CASQ2: variants seen among roughly 807,000 people sequenced by gnomAD.
CASQ2 encodes the protein calsequestrin-2.
In CASQ2, 49 loss-of-function variants were observed where a neutral mutation model predicts 46.5. The observed-to-expected ratio is 1.05, with a 90% CI of 0.84 to 1.34. CASQ2 has a LOEUF of 1.34. Among genes scored for constraint, CASQ2 ranks in the 40% most tolerant of loss-of-function variants. CASQ2 has a pLI of 0.00. For missense variants in CASQ2, 486 were observed against 481.3 expected, an observed-to-expected ratio of 1.01 and a Z score of -0.09; for synonymous variants, 174 against 168.5, an observed-to-expected ratio of 1.03 and a Z score of -0.25.
Position 115,705,298 on chromosome 1 carries a change from A to G in CASQ2, c.839-6T>C. The G allele has an allele frequency of 6.2e-7, 1 of 1,601,622 alleles. No individual in the cohort carries two copies. The highest frequency in any genetic ancestry group is 8.6e-7 in the Non-Finnish European group (1 of 1,168,676). ...CTCCAGGAATTCGTAGCCATCTGAA[A>G]CAGGATTCAAGAGAGTTGAGTAACC... On this transcript the variant is annotated splice_region_variant and splice_polypyrimidine_tract_variant and intron_variant, in intron 8 of 10. Transcript: ENST00000261448.
chr1:115,717,655 TTCTTC>T (rs1394872537), intron 8 of CASQ2, among the ~76,000 whole-genome samples, 180 bp downstream of exon 8: 1 of 152,232 alleles, frequency 6.6e-6, no homozygotes, highest in East Asian at 1.9e-4. Context: ...TTCACACCTT[TTCTTC>T]TCTTAGCCGT....
At chr1:115,765,174 A>G (rs959061469) in intron 1 of CASQ2, among the ~76,000 whole-genome samples, 3 of 152,054 alleles carry the variant, frequency 2.0e-5, no homozygotes, top group Admixed American at 1.3e-4. Flanking sequence ...CTTAGTTTGC[A>G]TGTTTTCTTC....
At chr1:115,742,321 G>A (rs886585983) in intron 2 of CASQ2, among the ~76,000 whole-genome samples, 1 of 152,110 alleles carries the variant, frequency 6.6e-6, no homozygotes, top group Non-Finnish European at 1.5e-5. Context: ...CTCAAAAGGT[G>A]CCCTAGGGAA....
chr1:115,758,439 G>A (rs924946206), intron 1 of CASQ2, among the ~76,000 whole-genome samples: 1 of 152,174 alleles, frequency 6.6e-6, no homozygotes, highest in Non-Finnish European at 1.5e-5. Flanking sequence ...TAGGTGCTGG[G>A]GTATAGCAAT....
intron 9 of CASQ2, among the ~76,000 whole-genome samples, chr1:115,703,929 A>G (rs1409932162): frequency 1.3e-5 from 2 of 151,998 alleles, no homozygotes; most frequent in African/African-American, 4.8e-5. Context: ...AAAAACAAAA[A>G]AAAACTGGCC....
At chr1:115,732,441 TGCTTCA>T (rs1647821749) in intron 5 of CASQ2, among the ~76,000 whole-genome samples, 18 of 152,204 alleles carry the variant, frequency 1.2e-4, no homozygotes, top group Admixed American at 1.1e-3. Context: ...GTCCCTTCCC[TGCTTCA>T]GCTCACTGAC....
rs531037124 is a variant in CASQ2, at chr1:115,750,778, A to T, written c.235-5866T>A. 2.7e-5 allele frequency among the ~76,000 whole-genome samples: 4 copies of T among 150,352 alleles called. No homozygotes were observed. In the South Asian group the frequency reaches 8.5e-4, roughly 32 times the overall value. On this transcript the variant is annotated intron_variant, in intron 1 of 10. Coordinates refer to ENST00000261448, the MANE Select transcript of CASQ2 (RefSeq NM_001232.4). ...CACTTTGGCCTCCCAAAATGTTGGGATTACAGCCATGAGCCACCGCGCCCA... is the reference window on the plus strand; with the variant it reads ...CACTTTGGCCTCCCAAAATGTTGGGTTTACAGCCATGAGCCACCGCGCCCA...
intron 8 of CASQ2, among the ~76,000 whole-genome samples, chr1:115,710,789 AG>A (rs1344355617): frequency 6.6e-6 from 1 of 152,190 alleles, no homozygotes; most frequent in African/African-American, 2.4e-5. Context: ...CCTGCCACTC[AG>A]GCTTGGAGTC....
intron 1 of CASQ2, among the ~76,000 whole-genome samples, chr1:115,747,167 G>T (rs1648418300): frequency 6.6e-6 from 1 of 152,078 alleles, no homozygotes; most frequent in Admixed American, 6.5e-5. Flanking sequence ...GATAGGTTGA[G>T]GTTCCTTTTT....
intron 8 of CASQ2, among the ~76,000 whole-genome samples, chr1:115,713,978 G>A (rs146612051): frequency 6.6e-6 from 1 of 152,328 alleles, no homozygotes; most frequent in Non-Finnish European, 1.5e-5. Context: ...AAGGGCAATA[G>A]AGAGGCAGGA....
intron 7 of CASQ2, among the ~76,000 whole-genome samples, chr1:115,719,332 C>T (rs1647290656): frequency 6.6e-6 from 1 of 152,144 alleles, no homozygotes; most frequent in Non-Finnish European, 1.5e-5. Context: ...GCTATTATCG[C>T]CAGACAGAAT....
At chr1:115,740,598 T>C (rs1453619561) in intron 3 of CASQ2, 130 bp downstream of exon 3, 8 of 692,292 alleles carry the variant, frequency 1.2e-5, no homozygotes, top group Non-Finnish European at 2.1e-5. Context: ...TCCTTAGTTT[T>C]TTGTGAATCC....
intron 5 of CASQ2, among the ~76,000 whole-genome samples, chr1:115,730,657 C>G (rs559129273): frequency 6.6e-6 from 1 of 152,282 alleles, no homozygotes; most frequent in South Asian, 2.1e-4. Context: ...ATAATTTTTG[C>G]TGTCTTAACG....
chr1:115,713,135 C>T (rs1012034846), intron 8 of CASQ2, among the ~76,000 whole-genome samples: 2 of 152,136 alleles, frequency 1.3e-5, no homozygotes, highest in African/African-American at 4.8e-5. Context: ...TTGAGGATAT[C>T]CATCTAGCAT....
chr1:115,748,548 C>CT (rs1309210455), intron 1 of CASQ2, among the ~76,000 whole-genome samples: 1 of 83,274 alleles, frequency 1.2e-5, no homozygotes, highest in Non-Finnish European at 2.3e-5. Context: ...TCTCTTATTT[C>CT]TTTTATTTTG....
chr1:115,746,008 A>G (rs1487485301), intron 1 of CASQ2, among the ~76,000 whole-genome samples: 1 of 152,224 alleles, frequency 6.6e-6, no homozygotes, highest in East Asian at 1.9e-4. Context: ...TACCCTGGGC[A>G]ACCACTAATT....
At chr1:115,708,207 C>A (rs73009355) in intron 8 of CASQ2, among the ~76,000 whole-genome samples, 15,945 of 152,152 alleles carry the variant, frequency 0.1, 1,050 homozygotes, top group African/African-American at 0.18. Context: ...TGCCCATTTT[C>A]AAGAAAATAA....
chr1:115,732,846 C>G, intron 5 of CASQ2, 55 bp downstream of exon 5: 4 of 1,276,758 alleles, frequency 3.1e-6, no homozygotes, highest in African/African-American at 1.5e-5. Context: ...AGAGTTCAAA[C>G]TTTAATTCTT....
At chr1:115,702,833 A>G (rs1003250411) in intron 10 of CASQ2, 88 bp downstream of exon 10, 1 of 1,026,820 alleles carries the variant, frequency 9.7e-7, no homozygotes, top group Non-Finnish European at 1.5e-6. Flanking sequence ...AGGCTGGGCT[A>G]CTATAGATGC....
Sources: gnomAD v4.1 joint callset for allele counts (sites outside exome capture counted in the v4.1 genomes callset) on GRCh38, gnomAD v4.1.1 for gene constraint, MANE v1.5 for transcripts, NCBI Gene and HGNC (gene_info 2026-07-23, HGNC 2026-07-21) for gene names.